NEURL3: variants seen among roughly 807,000 people sequenced by gnomAD.
NEURL3 encodes the protein E3 ubiquitin-protein ligase NEURL3.
A neutral mutation model predicts 17.6 loss-of-function variants in NEURL3; 19 were observed. The ratio of observed to expected loss-of-function variants is 1.08; its 90% CI spans 0.75 to 1.58. The LOEUF is 1.58. Ranked by LOEUF, NEURL3 falls within the 40% of genes most tolerant of loss-of-function variation. NEURL3 has a pLI of 0.00. For missense variants in NEURL3, 342 were observed against 379.6 expected, an observed-to-expected ratio of 0.90 and a Z score of 0.82; for synonymous variants, 180 against 161.4, an observed-to-expected ratio of 1.11 and a Z score of -0.87.
Position 96,500,908 on chromosome 2 carries a change from TC to T in NEURL3, c.44del (p.Arg15GlnfsTer144), listed in dbSNP as rs1426185297. 1.3e-6 allele frequency: 2 copies of T among 1,564,790 alleles called. No individual in the cohort carries two copies. Among genetic ancestry groups the T allele is most frequent in the Non-Finnish European group, 1.7e-6 (2 of 1,164,912 alleles). Reference sequence around the variant, plus strand: ...CCTCGGCATGGAAGCGAAGTGCCTCTCGGGGCGCCTTGGCGTCTGTGGGTTG... The same window carrying T: ...CCTCGGCATGGAAGCGAAGTGCCTCTGGGGCGCCTTGGCGTCTGTGGGTTG... The part of the protein sequence containing the change: ...LCFEANAKAP[R>X]EALRFHAEAK... On this transcript the variant is annotated frameshift_variant, in exon 2 of 4. Transcript: ENST00000451794. LOFTEE classifies it high-confidence loss of function.
intron 1 of NEURL3, among the ~76,000 whole-genome samples, chr2:96,503,069 G>A (rs902916885): frequency 1.3e-5 from 2 of 152,196 alleles, no homozygotes; most frequent in Non-Finnish European, 2.9e-5. Context: ...CCGGGACAGA[G>A]GCTGGCTCCA....
In NEURL3 at chr2:96,500,587, C is replaced by G. The variant is rs767644858; in HGVS notation, c.366G>C (p.Leu122Phe). The G allele has an allele frequency of 2.6e-6, 4 of 1,535,262 alleles. No individual in the cohort carries two copies. The highest frequency in any genetic ancestry group is 2.4e-5 in the East Asian group (1 of 41,074). The change falls in exon 2 of 4, where the codon TTG becomes TTC. Residue 122 changes from leucine (L) to phenylalanine (F), a missense_variant. Coordinates refer to ENST00000451794, the MANE Select transcript of NEURL3 (RefSeq NM_001285485.2). ...LPEGCALTGDLVRFWVDRRGC... is the reference protein window; with the variant it reads ...LPEGCALTGDFVRFWVDRRGC... ...CGCGGCGGTCCACCCAGAAGCGGACCAAGTCCCCAGTGAGCGCGCAGCCCT... is the reference window on the plus strand; with the variant it reads ...CGCGGCGGTCCACCCAGAAGCGGACGAAGTCCCCAGTGAGCGCGCAGCCCT...
chr2:96,504,826 T>C (rs1455983257), intron 1 of NEURL3: 4 of 137,738 alleles, frequency 2.9e-5, no homozygotes, highest in Admixed American at 8.8e-5. Context: ...TGCAGTGAGC[T>C]GAGATCACGC....
chr2:96,504,053 A>G (rs534296115), intron 1 of NEURL3, among the ~76,000 whole-genome samples: 1 of 152,316 alleles, frequency 6.6e-6, no homozygotes, highest in South Asian at 2.1e-4. Context: ...GAGGGGGTGG[A>G]CTGCCTGCGG....
In NEURL3 at chr2:96,500,800, G is replaced by A; in HGVS notation, c.153C>T (p.Ser51=). ...RTTFHDGIVF[S]QRPVRLGERV... ...GCTCGCCCAGGCGCACCGGCCGCTG[G>A]CTGAACACGATGCCGTCGTGGAACG... Residue 51 remains serine (S), a synonymous_variant, in exon 2 of 4, where the codon AGC becomes AGT. Transcript: ENST00000451794. The A allele has an allele frequency of 6.5e-7, 1 of 1,526,740 alleles. No homozygotes were observed. Among genetic ancestry groups the A allele is most frequent in the Non-Finnish European group, 8.8e-7 (1 of 1,142,338 alleles). 94.6% of individuals were successfully genotyped at this position (1,526,740 alleles called of 1,614,324 possible).
At chr2:96,507,982 C>T (rs2065574927), upstream of NEURL3, 1 of 152,334 alleles carries the variant, frequency 6.6e-6, no homozygotes. Context: ...TCCACGGCCA[C>T]TCGCCGCGGA....
Position 96,500,528 on chromosome 2 carries a change from C to A in NEURL3, c.425G>T (p.Arg142Leu), listed in dbSNP as rs755911872. 8 of 1,579,172 alleles carry A rather than the reference C, an allele frequency of 5.1e-6. No homozygotes were observed. In the Admixed American group the frequency reaches 7.0e-5, roughly 14 times the overall value. The change falls in exon 2 of 4, where the codon CGG becomes CTG. Residue 142 changes from arginine to leucine, a missense_variant. Physicochemically the swap from Arg to Leu is moderately radical, Grantham distance 102. Transcript: ENST00000451794. The part of the protein sequence containing the change: ...CLFAKVNAGC[R>L]LLLREGVPVG... ...GGGCACGCCCTCACGCAGCAGGAGC[C>A]GGCAGCCGGCGTTGACCTTGGCGAA...
chr2:96,503,119 G>T (rs1277618466), intron 1 of NEURL3, among the ~76,000 whole-genome samples: 1 of 152,160 alleles, frequency 6.6e-6, no homozygotes, highest in Non-Finnish European at 1.5e-5. Flanking sequence ...GTGGAGGACG[G>T]CAGGTGACCT....
upstream of NEURL3, chr2:96,505,392 A>G (rs1047134171): frequency 1.9e-6 from 2 of 1,069,466 alleles, no homozygotes. Context: ...TTTATGGGCC[A>G]GAGATCACGT....
chr2:96,505,385 A>G (rs561709626), upstream of NEURL3: 75 of 1,187,886 alleles, frequency 6.3e-5, no homozygotes, highest in African/African-American at 1.1e-3. Context: ...TCTGCTTTTT[A>G]TGGGCCAGAG....
At chr2:96,500,375 T>G (rs1462016049) in intron 2 of NEURL3, 64 bp downstream of exon 2, 1 of 1,582,736 alleles carries the variant, frequency 6.3e-7, no homozygotes, top group South Asian at 1.1e-5. Flanking sequence ...TCTGGATCGG[T>G]GTGGGGTGCC....
chr2:96,502,892 T>C (rs1168577643), intron 1 of NEURL3, among the ~76,000 whole-genome samples: 1 of 152,020 alleles, frequency 6.6e-6, no homozygotes, highest in East Asian at 1.9e-4. Flanking sequence ...TGATGAGGAG[T>C]TCTCCCAGCC....
rs570666239 is a variant in NEURL3 at position 96,498,776 on chromosome 2, C to A, written c.587-330G>T. On this transcript the variant is annotated intron_variant, in intron 3 of 3. Coordinates refer to ENST00000451794, the MANE Select transcript of NEURL3 (RefSeq NM_001285485.2). This position sits in a 1 kb window ranked among gnomAD's most constrained non-coding sequence, Gnocchi z 4.4. ...TTTTTTTTTAACTTTCCTCTTTATC[C>A]TTTAATCTTTTTTATTTTTTAGAGA... 6.6e-6 allele frequency among the ~76,000 whole-genome samples: 1 copy of A among 151,820 alleles called. No homozygotes were observed. Among genetic ancestry groups the A allele is most frequent in the East Asian group, 1.9e-4 (1 of 5,154 alleles).
chr2:96,502,853 C>T (rs1024054841), intron 1 of NEURL3, among the ~76,000 whole-genome samples: 1 of 152,256 alleles, frequency 6.6e-6, no homozygotes, highest in Admixed American at 6.5e-5. Context: ...CTAGCCCCAC[C>T]CCACAGCAAT....
In NEURL3 at chr2:96,498,684, A is replaced by G. The variant is rs1052388486; in HGVS notation, c.587-238T>C. Among the ~76,000 whole-genome samples, 11 of 152,240 alleles carry G rather than the reference A, an allele frequency of 7.2e-5. No homozygotes were observed. The highest frequency in any genetic ancestry group is 1.6e-4 in the Non-Finnish European group (11 of 68,034). On this transcript the variant is annotated intron_variant, in intron 3 of 3. Coordinates refer to ENST00000451794, the MANE Select transcript of NEURL3 (RefSeq NM_001285485.2). The surrounding 1 kb of genome is among the most constrained non-coding windows in gnomAD (Gnocchi z 4.4). ...GAAAACGCAGCACAGACAAGTCCCT[A>G]TATACACACGTCTATATCGATGACC...
At chr2:96,504,539 G>A (rs1234831182) in intron 1 of NEURL3, 1 of 152,298 alleles carries the variant, frequency 6.6e-6, no homozygotes, top group East Asian at 1.9e-4. Context: ...ACCTGGGAGG[G>A]TAGGTCCAGA....
rs760804290 is a variant in NEURL3, at chr2:96,498,595, GA to G, written c.587-150del. ...GGAAATGCTTACAGTGTAATCAAGT[GA>G]AAAAAAGGGGGAAGAAAACCATTTT... On this transcript the variant is annotated intron_variant, in intron 3 of 3. Coordinates refer to ENST00000451794, the MANE Select transcript of NEURL3 (RefSeq NM_001285485.2). This position sits in a 1 kb window ranked among gnomAD's most constrained non-coding sequence, Gnocchi z 4.4. The G allele has an allele frequency of 3.8e-5, 29 of 759,780 alleles. No homozygotes were observed. The East Asian group carries it at 4.2e-4, about 11-fold the overall frequency. 47.1% of individuals were successfully genotyped at this position (759,780 alleles called of 1,614,324 possible).
chr2:96,499,196 G>A, intron 3 of NEURL3, 182 bp downstream of exon 3: 1 of 1,406,528 alleles, frequency 7.1e-7, no homozygotes, highest in East Asian at 2.6e-5. Context: ...TCACAGAGTA[G>A]GCAAATGCTC....
chr2:96,506,492 C>T (rs2065561694), upstream of NEURL3, among the ~76,000 whole-genome samples: 1 of 152,256 alleles, frequency 6.6e-6, no homozygotes, highest in Non-Finnish European at 1.5e-5. Flanking sequence ...GCATGAGCCA[C>T]CGCACCTGGC....
Sources: allele counts gnomAD v4.1 joint callset (sites outside exome capture counted in the v4.1 genomes callset), GRCh38; gene constraint gnomAD v4.1.1; non-coding constraint Gnocchi (gnomAD v3.1); transcripts MANE v1.5; gene names NCBI Gene and HGNC (gene_info 2026-07-23, HGNC 2026-07-21).